TBL1XR1: variants seen among roughly 807,000 people sequenced by gnomAD.
The protein encoded by TBL1XR1 is TBL1X/Y related 1.
A neutral mutation model predicts 66.9 loss-of-function variants in TBL1XR1; 5 were observed. The ratio of observed to expected loss-of-function variants is 0.07; its 90% CI spans 0.04 to 0.16. The LOEUF is 0.16. Ranked by LOEUF, TBL1XR1 falls within the 10% of genes least tolerant of loss-of-function variation. TBL1XR1 has a pLI of 1.00. For missense variants in TBL1XR1, 238 were observed against 623.2 expected (o/e 0.38, Z 6.58); for synonymous variants, 210 against 206.0 (o/e 1.02, Z -0.17).
chr3:177,082,738 T>TATATATATATATATATA (rs1721561508), intron 2 of TBL1XR1, among the ~76,000 whole-genome samples: 2 of 63,234 alleles, frequency 3.2e-5, no homozygotes, highest in South Asian at 7.7e-4. Context: ...AAGATAGAGA[T>TATATATATATATATATA]TATATATATA....
At chr3:177,144,748 G>A (rs1319873872) in intron 1 of TBL1XR1, among the ~76,000 whole-genome samples, 5 of 150,410 alleles carry the variant, frequency 3.3e-5, no homozygotes, top group African/African-American at 4.9e-5. Context: ...GGGAGACTCC[G>A]TCCCAAAAAA....
chr3:177,079,137 CA>C (rs879342924), intron 2 of TBL1XR1, among the ~76,000 whole-genome samples: 5 of 148,454 alleles, frequency 3.4e-5, no homozygotes, highest in African/African-American at 5.0e-5. Flanking sequence ...CGGTATTTCA[CA>C]AAAAAAATGT....
At chr3:177,063,058 C>A (rs930324902) in intron 3 of TBL1XR1, among the ~76,000 whole-genome samples, 1 of 151,700 alleles carries the variant, frequency 6.6e-6, no homozygotes, top group African/African-American at 2.4e-5. Flanking sequence ...CGCTTGAACC[C>A]GCCGCCGAGA....
chr3:177,033,267 T>A (rs1714265385), intron 13 of TBL1XR1, 131 bp from the exon 14 acceptor site: 1 of 565,120 alleles, frequency 1.8e-6, no homozygotes, highest in Non-Finnish European at 2.8e-6. Flanking sequence ...CCGACTGGAC[T>A]GTTAGGAAGA....
At chr3:177,120,449 A>C (rs904147530) in intron 1 of TBL1XR1, among the ~76,000 whole-genome samples, 1 of 152,132 alleles carries the variant, frequency 6.6e-6, no homozygotes, top group African/African-American at 2.4e-5. Context: ...TACAACCCAG[A>C]CCTTCAAACT....
At chr3:177,035,720 A>G (rs984121657) in intron 12 of TBL1XR1, among the ~76,000 whole-genome samples, 1 of 152,124 alleles carries the variant, frequency 6.6e-6, no homozygotes, top group Non-Finnish European at 1.5e-5. Context: ...TGGGGGCACT[A>G]GCTGTGGGTG....
chr3:177,046,091 G>T (rs372350555), intron 10 of TBL1XR1, 38 bp downstream of exon 10: 1 of 1,465,724 alleles, frequency 6.8e-7, no homozygotes, highest in Non-Finnish European at 9.1e-7. Flanking sequence ...AAAAACAGAA[G>T]CAAGCTCCAG....
intron 1 of TBL1XR1, among the ~76,000 whole-genome samples, chr3:177,182,295 G>A (rs1228399113): frequency 2.0e-5 from 3 of 152,094 alleles, no homozygotes; most frequent in East Asian, 1.9e-4. Context: ...GAGGTGATAG[G>A]ACCACCTGAG....
At chr3:177,047,744 A>G in intron 7 of TBL1XR1, 195 bp from the exon 8 acceptor site, 1 of 571,048 alleles carries the variant, frequency 1.8e-6, no homozygotes, top group East Asian at 2.9e-5. Context: ...CTAATGTTGT[A>G]TGGGGGCCTT....
intron 4 of TBL1XR1, 37 bp downstream of exon 4, chr3:177,053,736 A>G: frequency 4.4e-6 from 7 of 1,584,714 alleles, no homozygotes; most frequent in Non-Finnish European, 6.0e-6. Flanking sequence ...CATATTTAAG[A>G]TGAAAAAAAT....
chr3:177,067,329 C>T (rs1719298393), intron 2 of TBL1XR1, among the ~76,000 whole-genome samples: 1 of 152,162 alleles, frequency 6.6e-6, no homozygotes, highest in African/African-American at 2.4e-5. Context: ...CCAACTGAGA[C>T]AGACTGACAA....
intron 6 of TBL1XR1, 39 bp downstream of exon 6, chr3:177,050,439 T>G: frequency 6.2e-7 from 1 of 1,605,984 alleles, no homozygotes. Flanking sequence ...TTCAATAAGA[T>G]ATTTTTAAGT....
chr3:177,122,692 T>C (rs547707946), intron 1 of TBL1XR1, among the ~76,000 whole-genome samples: 4 of 152,222 alleles, frequency 2.6e-5, no homozygotes, highest in African/African-American at 7.2e-5. Flanking sequence ...AATAAGGCAG[T>C]TGCAAAGAGC....
intron 1 of TBL1XR1, among the ~76,000 whole-genome samples, chr3:177,154,470 C>A (rs530065865): frequency 6.6e-6 from 1 of 152,100 alleles, no homozygotes; most frequent in South Asian, 2.1e-4. Flanking sequence ...AATCTCAGCT[C>A]ACTGCAACTT....
At chr3:177,158,504 G>A (rs112497512) in intron 1 of TBL1XR1, among the ~76,000 whole-genome samples, 35 of 152,128 alleles carry the variant, frequency 2.3e-4, no homozygotes, top group African/African-American at 7.5e-4. Context: ...TGGGATTACC[G>A]GCGTGAACCA....
At chr3:177,100,875 T>G (rs1486728444) in intron 1 of TBL1XR1, among the ~76,000 whole-genome samples, 2 of 150,644 alleles carry the variant, frequency 1.3e-5, no homozygotes, top group Non-Finnish European at 3.0e-5. Flanking sequence ...TTTTTTTCTT[T>G]GAGACGGAGT....
chr3:177,047,186 C>T lies in TBL1XR1; in HGVS notation c.864+114G>A, dbSNP rs529643076. ...CTAAGGAGTATTTCTAGCATAAATT[C>T]CTATGTGAATTTCCCAAATAGGAAT... On this transcript the variant is annotated intron_variant, in intron 9 of 15. Transcript: ENST00000457928. The T allele has an allele frequency of 2.1e-3, 1,739 of 830,622 alleles. 6 individuals carry two copies. The highest frequency in any genetic ancestry group is 4.5e-3 in the Middle Eastern group (12 of 2,670). The allele number at this position is 830,622 out of a possible 1,614,324, so 51.5% of individuals were successfully genotyped here. A position where few individuals can be genotyped will look rare whatever the true frequency, so the allele number is the denominator to read the frequency against.
At chr3:177,098,125 C>T (rs191933367) in intron 2 of TBL1XR1, among the ~76,000 whole-genome samples, 156 of 152,258 alleles carry the variant, frequency 1.0e-3, no homozygotes, top group African/African-American at 3.5e-3. Flanking sequence ...AGGACAATCG[C>T]TTTAACCTGG....
chr3:177,169,823 A>G (rs562428241), intron 1 of TBL1XR1, among the ~76,000 whole-genome samples: 1 of 152,320 alleles, frequency 6.6e-6, no homozygotes, highest in East Asian at 1.9e-4. Flanking sequence ...GAGTTCCACA[A>G]TGACCACTTA....
Sources: gnomAD v4.1 joint callset for allele counts (sites outside exome capture counted in the v4.1 genomes callset) on GRCh38, gnomAD v4.1.1 for gene constraint, MANE v1.5 for transcripts, NCBI Gene and HGNC (gene_info 2026-07-23, HGNC 2026-07-21) for gene names.